Variants in BRINP3 observed in about 807,000 individuals in gnomAD.
BRINP3 encodes BMP/retinoic acid-inducible neural-specific protein 3.
Under a neutral mutation model 71.0 loss-of-function variants are expected in BRINP3, and 19 were observed. The ratio of observed to expected loss-of-function variants is 0.27; its 90% CI spans 0.19 to 0.39. The LOEUF is 0.39. Ranked by LOEUF, BRINP3 falls within the 10% of genes least tolerant of loss-of-function variation. The pLI is 1.00. For missense variants in BRINP3, 959 were observed against 940.8 expected (o/e 1.02, Z -0.25); for synonymous variants, 380 against 337.7 (o/e 1.13, Z -1.37).
chr1:190,428,045 C>A (rs1204141204), intron 2 of BRINP3, among the ~76,000 whole-genome samples: 1 of 151,646 alleles, frequency 6.6e-6, no homozygotes, highest in Non-Finnish European at 1.5e-5. Flanking sequence ...GCCTCCAGAT[C>A]CTTTCAGACA....
At chr1:190,476,253 A>AG (rs1210363637) in intron 1 of BRINP3, among the ~76,000 whole-genome samples, 1 of 150,196 alleles carries the variant, frequency 6.7e-6, no homozygotes, top group African/African-American at 2.4e-5. Context: ...CCAGAAATTA[A>AG]AAAAAAAAAA....
intron 4 of BRINP3, among the ~76,000 whole-genome samples, chr1:190,260,032 G>T (rs990481471): frequency 2.0e-5 from 1 of 50,032 alleles, no homozygotes; most frequent in African/African-American, 7.8e-5. Context: ...CATCTCAAAA[G>T]AAATTGGAAA....
At chr1:190,467,039 T>C (rs912848238) in intron 1 of BRINP3, among the ~76,000 whole-genome samples, 1 of 151,604 alleles carries the variant, frequency 6.6e-6, no homozygotes, top group African/African-American at 2.4e-5. Context: ...AGAAATGTCC[T>C]GGTTTCTCCA....
intron 7 of BRINP3, among the ~76,000 whole-genome samples, chr1:190,140,410 G>T (rs1043749848): frequency 1.3e-5 from 2 of 151,988 alleles, no homozygotes; most frequent in Non-Finnish European, 2.9e-5. Context: ...GACTTCATTT[G>T]CCATGAAAAC....
chr1:190,173,952 A>T (rs12087388), intron 6 of BRINP3, among the ~76,000 whole-genome samples: 3,188 of 152,190 alleles, frequency 0.021, 105 homozygotes, highest in African/African-American at 0.073. Context: ...TCCTCTGTAC[A>T]CTTGTTAGAG....
intron 7 of BRINP3, among the ~76,000 whole-genome samples, chr1:190,138,562 C>T (rs1655166334): frequency 6.6e-6 from 1 of 151,964 alleles, no homozygotes; most frequent in South Asian, 2.1e-4. Context: ...TGTGCTTTGC[C>T]CTCTGTGTTG....
At chr1:190,256,214 C>T (rs4611014) in intron 4 of BRINP3, among the ~76,000 whole-genome samples, 60,034 of 151,892 alleles carry the variant, frequency 0.4, 12,951 homozygotes, top group Non-Finnish European at 0.49. Flanking sequence ...GGAATAAGTG[C>T]GATGTGGTGC....
chr1:190,384,901 C>G (rs1670785532), intron 2 of BRINP3, among the ~76,000 whole-genome samples: 1 of 151,846 alleles, frequency 6.6e-6, no homozygotes, highest in South Asian at 2.1e-4. Flanking sequence ...ACAGAGCCCT[C>G]AGAAATAATG....
chr1:190,372,075 T>G (rs1669905583), intron 2 of BRINP3, among the ~76,000 whole-genome samples: 1 of 151,996 alleles, frequency 6.6e-6, no homozygotes, highest in Non-Finnish European at 1.5e-5. Flanking sequence ...AGAAACCACT[T>G]CTCCAGGGCA....
rs115302340 is a variant in BRINP3, at chr1:190,337,176, A to G, written c.237-55426T>C. 5.4e-3 allele frequency among the ~76,000 whole-genome samples: 813 copies of G among 151,834 alleles called. 6 individuals are homozygous for G. Among genetic ancestry groups the G allele is most frequent in the African/African-American group, 0.019 (778 of 41,428 alleles). On this transcript the variant is annotated intron_variant, in intron 2 of 7. Coordinates refer to ENST00000367462, the MANE Select transcript of BRINP3 (RefSeq NM_199051.3). Reference sequence around the variant, plus strand: ...TACCTAGATAATCAAAGGAAACCCAATTTTCTCTATGTACCCCACTCCTAC... The same window carrying G: ...TACCTAGATAATCAAAGGAAACCCAGTTTTCTCTATGTACCCCACTCCTAC...
intron 3 of BRINP3, among the ~76,000 whole-genome samples, chr1:190,266,662 G>A: frequency 6.6e-6 from 1 of 152,118 alleles, no homozygotes; most frequent in Non-Finnish European, 1.5e-5. Context: ...ATCAACAGGT[G>A]AGGAAATTTC....
chr1:190,191,343 A>G (rs969892382), intron 6 of BRINP3, among the ~76,000 whole-genome samples: 1 of 152,062 alleles, frequency 6.6e-6, no homozygotes, highest in Non-Finnish European at 1.5e-5. Context: ...TTTGTTACAC[A>G]GGTATACGTG....
intron 2 of BRINP3, among the ~76,000 whole-genome samples, chr1:190,440,240 G>A (rs1391618634): frequency 2.0e-5 from 3 of 151,192 alleles, no homozygotes; most frequent in East Asian, 2.0e-4. Flanking sequence ...TATTTAAATC[G>A]TTTCTCTTTT....
At chr1:190,436,821 C>T (rs1177680084) in intron 2 of BRINP3, among the ~76,000 whole-genome samples, 1 of 151,724 alleles carries the variant, frequency 6.6e-6, no homozygotes, top group African/African-American at 2.4e-5. Context: ...CTGGTGGAAG[C>T]TCTTATTGTG....
intron 2 of BRINP3, among the ~76,000 whole-genome samples, chr1:190,404,537 G>T (rs1334578389): frequency 6.6e-6 from 1 of 152,172 alleles, no homozygotes; most frequent in Non-Finnish European, 1.5e-5. Context: ...AACGAAGACA[G>T]AATAACATTA....
intron 6 of BRINP3, among the ~76,000 whole-genome samples, chr1:190,170,727 A>G (rs775894091): frequency 3.3e-5 from 5 of 152,212 alleles, no homozygotes; most frequent in Non-Finnish European, 5.9e-5. Context: ...TGGAAAAATT[A>G]TAATGTGTGT....
chr1:190,450,322 T>C (rs1246106655), intron 2 of BRINP3, among the ~76,000 whole-genome samples: 1 of 152,208 alleles, frequency 6.6e-6, no homozygotes, highest in African/African-American at 2.4e-5. Context: ...TATTAAAATA[T>C]GTTTTGCTAG....
chr1:190,341,959 G>A (rs1413010870), intron 2 of BRINP3, among the ~76,000 whole-genome samples: 1 of 151,348 alleles, frequency 6.6e-6, no homozygotes, highest in African/African-American at 2.4e-5. Context: ...CAATCAAAAA[G>A]TGTCAGCAGG....
At chr1:190,156,289 G>T (rs1187787597) in intron 7 of BRINP3, among the ~76,000 whole-genome samples, 1 of 151,918 alleles carries the variant, frequency 6.6e-6, no homozygotes, top group African/African-American at 2.4e-5. Context: ...GTTTGTTTTT[G>T]CTTATTTTTC....
Sources: gnomAD v4.1 joint callset for allele counts (sites outside exome capture counted in the v4.1 genomes callset) on GRCh38, gnomAD v4.1.1 for gene constraint, MANE v1.5 for transcripts, NCBI Gene and HGNC (gene_info 2026-07-23, HGNC 2026-07-21) for gene names.